Variants in KCNQ1 observed in about 807,000 individuals in gnomAD.
KCNQ1 encodes the protein potassium voltage-gated channel subfamily KQT member 1.
Under a neutral mutation model 72.4 loss-of-function variants are expected in KCNQ1, and 49 were observed. The observed-to-expected ratio is 0.68, with a 90% CI of 0.54 to 0.86. The LOEUF is 0.86. KCNQ1 is among the 40% of genes least tolerant of loss of function. KCNQ1 has a pLI of 0.00. For synonymous variants in KCNQ1, 450 were observed against 412.6 expected, an observed-to-expected ratio of 1.09 and a Z score of -1.10; for missense variants, 790 against 945.1, an observed-to-expected ratio of 0.84 and a Z score of 2.15.
Position 2,699,440 on chromosome 11 carries a change from ACCGCACTGAGGAGCCGCCGGGAGAGTG to A in KCNQ1, c.1514+37364_1514+37390del, listed in dbSNP as rs1336528175. ...GCCGCGCTGAGGAGAGTCTGGGAGA[ACCGCACTGAGGAGCCGCCGGGAGAGTG>A]CCGCGCTGAGGAGCCCCCGGGGAGA... is the stretch of plus-strand genomic sequence containing the variant. On this transcript the variant is annotated intron_variant, in intron 11 of 15. Coordinates refer to ENST00000155840, the MANE Select transcript of KCNQ1 (RefSeq NM_000218.3). 27 of 398,790 alleles carry A rather than the reference ACCGCACTGAGGAGCCGCCGGGAGAGTG, an allele frequency of 6.8e-5. No individual in the cohort carries two copies. The Middle Eastern group carries it at 1.9e-3, about 28-fold the overall frequency. 24.7% of individuals were successfully genotyped at this position (398,790 alleles called of 1,614,324 possible). A position where few individuals can be genotyped will look rare whatever the true frequency, so the allele number is the denominator to read the frequency against.
chr11:2,649,198 A>T (rs763193619), intron 10 of KCNQ1: 3 of 397,820 alleles, frequency 7.5e-6, no homozygotes, highest in Non-Finnish European at 1.3e-5. Flanking sequence ...GGGAAATTTA[A>T]ATTACCTACA....
intron 11 of KCNQ1, among the ~76,000 whole-genome samples, chr11:2,743,180 A>G (rs534148922): frequency 6.6e-6 from 1 of 152,190 alleles, no homozygotes; most frequent in South Asian, 2.1e-4. Flanking sequence ...ATTCCCAGAA[A>G]TCACAGGGAT....
rs1315681977 is a variant in KCNQ1, at chr11:2,670,735, A to T, written c.1514+8654A>T. Reference sequence around the variant, plus strand: ...TGGAGCAGGAGGGAACAGTCTGCAGATATTATCTGGGCACTGGCCAGTGGC... The same window carrying T: ...TGGAGCAGGAGGGAACAGTCTGCAGTTATTATCTGGGCACTGGCCAGTGGC... On this transcript the variant is annotated intron_variant, in intron 11 of 15. Transcript: ENST00000155840. This position sits in a 1 kb window ranked among gnomAD's most constrained non-coding sequence, Gnocchi z 4.9. 2.5e-6 allele frequency: 1 copy of T among 398,460 alleles called. No individual in the cohort carries two copies. Among genetic ancestry groups the T allele is most frequent in the East Asian group, 3.6e-5 (1 of 28,084 alleles). 24.7% of individuals were successfully genotyped at this position (398,460 alleles called of 1,614,324 possible). A position where few individuals can be genotyped will look rare whatever the true frequency, so the allele number is the denominator to read the frequency against.
intron 15 of KCNQ1, among the ~76,000 whole-genome samples, chr11:2,847,158 C>G (rs1253580026): frequency 2.0e-5 from 3 of 151,944 alleles, no homozygotes; most frequent in Non-Finnish European, 4.4e-5. Flanking sequence ...GCCCTGCAAG[C>G]CCCTCCTGGA....
chr11:2,476,586 T>C (rs1846571587), intron 1 of KCNQ1, among the ~76,000 whole-genome samples: 1 of 152,170 alleles, frequency 6.6e-6, no homozygotes, highest in Non-Finnish European at 1.5e-5. Context: ...CTTGGTTCTT[T>C]GAGGAAAACA....
rs1192277148 is a variant in KCNQ1 at position 2,784,763 on chromosome 11, C to G, written c.1794+6726C>G. ...TGGTACTTCTTTTGTTACATTTACT[C>G]CTAAATATTTTATTTGTCATGCTAG... On this transcript the variant is annotated intron_variant, in intron 15 of 15. Coordinates refer to ENST00000155840, the MANE Select transcript of KCNQ1 (RefSeq NM_000218.3). The surrounding 1 kb of genome is among the most constrained non-coding windows in gnomAD (Gnocchi z 4.7). 2.0e-5 allele frequency among the ~76,000 whole-genome samples: 3 copies of G among 151,868 alleles called. No homozygotes were observed. The highest frequency in any genetic ancestry group is 1.3e-4 in the Admixed American group (2 of 15,248).
At chr11:2,525,110 C>A (rs1847473715) in intron 1 of KCNQ1, among the ~76,000 whole-genome samples, 1 of 152,180 alleles carries the variant, frequency 6.6e-6, no homozygotes, top group African/African-American at 2.4e-5. Context: ...CAGCCCAGCC[C>A]TGGGGGCTGC....
At position 2,663,136 on chromosome 11, in the gene KCNQ1, G is replaced by A. The variant is rs1850000172; in HGVS notation, c.1514+1055G>A. ...TTAAGGGGTAATTATGATCAGACAG[G>A]ACCTGCCCACTGTCTTTCCAGGCCC... is the stretch of plus-strand genomic sequence containing the variant. On this transcript the variant is annotated intron_variant, in intron 11 of 15. Coordinates refer to ENST00000155840, the MANE Select transcript of KCNQ1 (RefSeq NM_000218.3). The surrounding 1 kb of genome is among the most constrained non-coding windows in gnomAD (Gnocchi z 5.2). The A allele has an allele frequency of 5.0e-6, 2 of 398,602 alleles. No homozygotes were observed. Among genetic ancestry groups the A allele is most frequent in the South Asian group, 2.5e-4 (2 of 7,854 alleles). The allele number at this position is 398,602 out of a possible 1,614,324, so 24.7% of individuals were successfully genotyped here. A position where few individuals can be genotyped will look rare whatever the true frequency, so the allele number is the denominator to read the frequency against.
At position 2,783,382 on chromosome 11, in the gene KCNQ1, T is replaced by C. The variant is rs1400120628; in HGVS notation, c.1794+5345T>C. On this transcript the variant is annotated intron_variant, in intron 15 of 15. Coordinates refer to ENST00000155840, the MANE Select transcript of KCNQ1 (RefSeq NM_000218.3). The surrounding 1 kb of genome is among the most constrained non-coding windows in gnomAD (Gnocchi z 5.2). ...ACGGCAAAAATGTGGTCAATTTTTGTAAATGTGCCTTCTGTACTTGAAAAC... is the reference window on the plus strand; with the variant it reads ...ACGGCAAAAATGTGGTCAATTTTTGCAAATGTGCCTTCTGTACTTGAAAAC... 6.6e-6 allele frequency among the ~76,000 whole-genome samples: 1 copy of C among 152,136 alleles called. No individual in the cohort carries two copies. The highest frequency in any genetic ancestry group is 1.5e-5 in the Non-Finnish European group (1 of 67,942).
rs1849588975 is a variant in KCNQ1 at position 2,642,087 on chromosome 11, T to C, written c.1394-19874T>C. 5.0e-6 allele frequency: 2 copies of C among 398,508 alleles called. No individual in the cohort carries two copies. The highest frequency in any genetic ancestry group is 8.9e-6 in the Non-Finnish European group (2 of 225,980). The allele number at this position is 398,508 out of a possible 1,614,324, so 24.7% of individuals were successfully genotyped here. A position where few individuals can be genotyped will look rare whatever the true frequency, so the allele number is the denominator to read the frequency against. ...CCAACTTTGTTATTTTTGCTCAGAA[T>C]TGCTGTGGCTATTCCAGCTCTTTTT... On this transcript the variant is annotated intron_variant, in intron 10 of 15. Coordinates refer to ENST00000155840, the MANE Select transcript of KCNQ1 (RefSeq NM_000218.3). This position sits in a 1 kb window ranked among gnomAD's most constrained non-coding sequence, Gnocchi z 4.3.
intron 1 of KCNQ1, among the ~76,000 whole-genome samples, chr11:2,523,256 C>T (rs1381199989): frequency 2.6e-5 from 4 of 151,628 alleles, no homozygotes; most frequent in South Asian, 2.1e-4. Flanking sequence ...TGCAGTGGCG[C>T]GATCTCGGCT....
At position 2,674,684 on chromosome 11, in the gene KCNQ1, G is replaced by C. The variant is rs1252135823; in HGVS notation, c.1514+12603G>C. 1 of 398,354 alleles carries C rather than the reference G, an allele frequency of 2.5e-6. No individual in the cohort carries two copies. The highest frequency in any genetic ancestry group is 3.6e-5 in the East Asian group (1 of 28,078). The allele number at this position is 398,354 out of a possible 1,614,324, so 24.7% of individuals were successfully genotyped here. ...TGCAAAATAATTTGAAAAGTTTGTT[G>C]AACCTTAAACCTTTCCTGATGACTC... On this transcript the variant is annotated intron_variant, in intron 11 of 15. Coordinates refer to ENST00000155840, the MANE Select transcript of KCNQ1 (RefSeq NM_000218.3). This position sits in a 1 kb window ranked among gnomAD's most constrained non-coding sequence, Gnocchi z 5.9.
intron 1 of KCNQ1, chr11:2,461,765 GATGGGGGGCTGAATTGTGGTCAGTT>G: frequency 7.4e-7 from 1 of 1,345,064 alleles, no homozygotes; most frequent in South Asian, 1.2e-5. Flanking sequence ...TGGGCAGGTG[GATGGGGGGCTGAATTGTGGTCAGTT>G]ATGGGTGGCG....
chr11:2,563,794 A>G lies in KCNQ1; in HGVS notation c.478-6834A>G, dbSNP rs1564817917. On this transcript the variant is annotated intron_variant, in intron 2 of 15. Transcript: ENST00000155840. This position sits in a 1 kb window ranked among gnomAD's most constrained non-coding sequence, Gnocchi z 7.4. ...CCCAGGGCCCTTTGCACTGCCTGCT[A>G]TTTGTTTTCTGTCTTCATCCTGAGA... Among the ~76,000 whole-genome samples the G allele has an allele frequency of 6.6e-6, 1 of 152,124 alleles. No homozygotes were observed. Among genetic ancestry groups the G allele is most frequent in the Admixed American group, 6.5e-5 (1 of 15,278 alleles).
At position 2,462,735 on chromosome 11, in the gene KCNQ1, C is replaced by T. The variant is rs528693882; in HGVS notation, c.386+17251C>T. On this transcript the variant is annotated intron_variant, in intron 1 of 15. Coordinates refer to ENST00000155840, the MANE Select transcript of KCNQ1 (RefSeq NM_000218.3). This position sits in a 1 kb window ranked among gnomAD's most constrained non-coding sequence, Gnocchi z 8.2. ...GCGGTGGAGTGAAGGGGAGGGTGGG[C>T]GCTGCTGGCAAGAACCACAGGCAAA... Among the ~76,000 whole-genome samples the T allele has an allele frequency of 3.3e-5, 5 of 152,142 alleles. No individual in the cohort carries two copies. The highest frequency in any genetic ancestry group is 1.9e-4 in the East Asian group (1 of 5,168).
Position 2,682,631 on chromosome 11 carries a change from A to T in KCNQ1, c.1514+20550A>T, listed in dbSNP as rs1233926515. The T allele has an allele frequency of 5.0e-6, 2 of 398,484 alleles. No individual in the cohort carries two copies. The highest frequency in any genetic ancestry group is 8.8e-6 in the Non-Finnish European group (2 of 226,082). The allele number at this position is 398,484 out of a possible 1,614,324, so 24.7% of individuals were successfully genotyped here. A position where few individuals can be genotyped will look rare whatever the true frequency, so the allele number is the denominator to read the frequency against. ...GGCTTGAGAGCTCTTCTTCAGGCTC[A>T]GTCATCCCTGCTTCCCCAGGGCTCA... is the stretch of plus-strand genomic sequence containing the variant. On this transcript the variant is annotated intron_variant, in intron 11 of 15. Transcript: ENST00000155840. The surrounding 1 kb of genome is among the most constrained non-coding windows in gnomAD (Gnocchi z 5.8).
Position 2,817,050 on chromosome 11 carries a change from C to T in KCNQ1, c.1795-30717C>T, listed in dbSNP as rs1272991391. Reference sequence around the variant, plus strand: ...AACAGAGCCCAGTGGCACTCCTGACCCCAGGAGACAGAGGGAACCCACCCT... The same window carrying T: ...AACAGAGCCCAGTGGCACTCCTGACTCCAGGAGACAGAGGGAACCCACCCT... On this transcript the variant is annotated intron_variant, in intron 15 of 15. Transcript: ENST00000155840. This position sits in a 1 kb window ranked among gnomAD's most constrained non-coding sequence, Gnocchi z 6.1. 6.6e-6 allele frequency among the ~76,000 whole-genome samples: 1 copy of T among 152,078 alleles called. No homozygotes were observed. Among genetic ancestry groups the T allele is most frequent in the Admixed American group, 6.5e-5 (1 of 15,276 alleles).
Position 2,712,866 on chromosome 11 carries a change from G to T in KCNQ1, c.1514+50785G>T, listed in dbSNP as rs1851028361. ...GGGGGCTGGACACAGGGAGGAGGCA[G>T]CATGGGAAATGGAAGGACTGCAGCC... On this transcript the variant is annotated intron_variant, in intron 11 of 15. Coordinates refer to ENST00000155840, the MANE Select transcript of KCNQ1 (RefSeq NM_000218.3). The surrounding 1 kb of genome is among the most constrained non-coding windows in gnomAD (Gnocchi z 6.4). Among the ~76,000 whole-genome samples, 1 of 152,166 alleles carries T rather than the reference G, an allele frequency of 6.6e-6. No individual in the cohort carries two copies. Among genetic ancestry groups the T allele is most frequent in the Admixed American group, 6.5e-5 (1 of 15,278 alleles).
At position 2,564,995 on chromosome 11, in the gene KCNQ1, C is replaced by T. The variant is rs1848225798; in HGVS notation, c.478-5633C>T. Among the ~76,000 whole-genome samples, 1 of 152,204 alleles carries T rather than the reference C, an allele frequency of 6.6e-6. No homozygotes were observed. Among genetic ancestry groups the T allele is most frequent in the Non-Finnish European group, 1.5e-5 (1 of 68,044 alleles). ...CCGTCTCCGTCGGTGCACTGAGGGA[C>T]ACTGGGCTGGTTCCCCTTTTTGGCT... On this transcript the variant is annotated intron_variant, in intron 2 of 15. Transcript: ENST00000155840. The surrounding 1 kb of genome is among the most constrained non-coding windows in gnomAD (Gnocchi z 4.5).
Sources: gnomAD v4.1 joint callset for allele counts (sites outside exome capture counted in the v4.1 genomes callset) on GRCh38, gnomAD v4.1.1 for gene constraint, Gnocchi (gnomAD v3.1) non-coding constraint, MANE v1.5 for transcripts, NCBI Gene and HGNC (gene_info 2026-07-23, HGNC 2026-07-21) for gene names.